Variants in CERS5 observed in about 807,000 individuals in gnomAD.
CERS5 encodes the protein ceramide synthase 5.
A neutral mutation model predicts 58.9 loss-of-function variants in CERS5; 37 were observed. That is an observed-to-expected ratio of 0.63 (90% CI 0.48 to 0.83). CERS5 has a LOEUF of 0.83. Among genes scored for constraint, CERS5 ranks in the 40% least tolerant of loss-of-function variants. The probability of loss-of-function intolerance (pLI) is 0.00; values close to 1 mark genes in which losing one functional copy is unlikely to be tolerated. For synonymous variants in CERS5, 147 were observed against 177.8 expected, an observed-to-expected ratio of 0.83 and a Z score of 1.38; for missense variants, 398 against 489.3, an observed-to-expected ratio of 0.81 and a Z score of 1.76.
intron 1 of CERS5, chr12:50,165,919 C>T (rs895227422): frequency 2.2e-6 from 1 of 454,702 alleles, no homozygotes; most frequent in Admixed American, 2.4e-5. Context: ...ATATCACACA[C>T]CAAAGCCTCA....
chr12:50,138,408 A>AG (rs1303254523), intron 5 of CERS5, among the ~76,000 whole-genome samples, 159 bp downstream of exon 5: 1 of 151,310 alleles, frequency 6.6e-6, no homozygotes, highest in African/African-American at 2.4e-5. Flanking sequence ...TGGGGGGGAA[A>AG]AAAAAATAGA....
chr12:50,133,167 A>G (rs1951431193), intron 9 of CERS5: 5 of 1,220,640 alleles, frequency 4.1e-6, no homozygotes, highest in Non-Finnish European at 5.2e-6. Flanking sequence ...GCTATAAGGA[A>G]TAATGATGCA....
At chr12:50,164,109 A>G (rs1490987359) in intron 1 of CERS5, among the ~76,000 whole-genome samples, 1 of 151,088 alleles carries the variant, frequency 6.6e-6, no homozygotes, top group African/African-American at 2.4e-5. Context: ...ACAGGCATGT[A>G]CCACTATGCC....
Position 50,143,987 on chromosome 12 carries a change from C to T in CERS5, c.268G>A (p.Ala90Thr), listed in dbSNP as rs202187358. Reference sequence around the variant, plus strand: ...GATATGAACACCTTTTCAAGGATGGCATTGGGTTGGGCCTGATAAGGACCA... The same window carrying T: ...GATATGAACACCTTTTCAAGGATGGTATTGGGTTGGGCCTGATAAGGACCA... ...DSGPYQAQPNAILEKVFISIT... is the reference protein window; with the variant it reads ...DSGPYQAQPNTILEKVFISIT... Residue 90 changes from alanine (A) to threonine (T), a missense_variant, in exon 2 of 10, where the codon GCC becomes ACC. Transcript: ENST00000317551. 1.9e-6 allele frequency: 3 copies of T among 1,612,184 alleles called. No homozygotes were observed. The highest frequency in any genetic ancestry group is 1.7e-5 in the Admixed American group (1 of 60,010).
intron 8 of CERS5, chr12:50,135,425 G>A (rs760101661): frequency 1.7e-5 from 10 of 572,854 alleles, no homozygotes; most frequent in South Asian, 9.5e-5. Flanking sequence ...AGAAGTCAAA[G>A]GAATTACTTA....
rs969114846 is a variant in CERS5, at chr12:50,164,253, C to G, written c.197+2848G>C. 6.6e-4 allele frequency among the ~76,000 whole-genome samples: 100 copies of G among 152,128 alleles called. 1 individual carries two copies. Among genetic ancestry groups the G allele is most frequent in the Admixed American group, 6.6e-3 (100 of 15,252 alleles). On this transcript the variant is annotated intron_variant, in intron 1 of 9. Transcript: ENST00000317551. ...GGGATTACAGGTGTGAGCCACCATG[C>G]CCCGCTCTCCCAATTTTTTTTTTTT...
rs181675212 is a variant in CERS5 at position 50,148,948 on chromosome 12, G to A, written c.198-4891C>T. On this transcript the variant is annotated intron_variant, in intron 1 of 9. Coordinates refer to ENST00000317551, the MANE Select transcript of CERS5 (RefSeq NM_147190.5). ...AAAAAATATATATATATATATATAT[G>A]TGTGTGTGTGTGTGTGTGTGTGCGT... Among the ~76,000 whole-genome samples, 878 of 96,350 alleles carry A rather than the reference G, an allele frequency of 9.1e-3. 4 individuals carry two copies. Among genetic ancestry groups the A allele is most frequent in the Middle Eastern group, 0.029 (5 of 174 alleles). 63.2% of individuals were successfully genotyped at this position (96,350 alleles called of 152,430 possible).
intron 1 of CERS5, among the ~76,000 whole-genome samples, chr12:50,146,971 A>C (rs1952316809): frequency 6.6e-6 from 1 of 152,206 alleles, no homozygotes; most frequent in Non-Finnish European, 1.5e-5. Flanking sequence ...ATTTGTGATA[A>C]AAATTAAATA....
At chr12:50,145,546 C>CTT (rs1244606392) in intron 1 of CERS5, among the ~76,000 whole-genome samples, 1 of 152,090 alleles carries the variant, frequency 6.6e-6, no homozygotes, top group Non-Finnish European at 1.5e-5. Context: ...GAATAAGAAA[C>CTT]TTTATCTCCC....
chr12:50,157,590 G>A (rs1053952948), intron 1 of CERS5, among the ~76,000 whole-genome samples: 1 of 152,132 alleles, frequency 6.6e-6, no homozygotes. Flanking sequence ...CAAGATCTCT[G>A]AAATGGTTCT....
rs57651378 is a variant in CERS5 at position 50,140,284 on chromosome 12, A to ATTTTTT, written c.493-1673_493-1668dup. 7.8e-3 allele frequency among the ~76,000 whole-genome samples: 755 copies of ATTTTTT among 96,194 alleles called. 30 individuals are homozygous for ATTTTTT. The highest frequency in any genetic ancestry group is 0.023 in the East Asian group (56 of 2,442). The allele number at this position is 96,194 out of a possible 152,430, so 63.1% of individuals were successfully genotyped here. A position where few individuals can be genotyped will look rare whatever the true frequency, so the allele number is the denominator to read the frequency against. On this transcript the variant is annotated intron_variant, in intron 4 of 9. Transcript: ENST00000317551. ...TTGAGAAGAGTTGTTTAACTTCCAA[A>ATTTTTT]TTTTTTTTTTTTTTTTTTTTTTTTT...
At chr12:50,138,119 AC>A (rs764929714) in intron 5 of CERS5, among the ~76,000 whole-genome samples, 5 of 152,134 alleles carry the variant, frequency 3.3e-5, no homozygotes, top group African/African-American at 4.8e-5. Context: ...AGTGCTTTTC[AC>A]AGGATTAAAT....
intron 1 of CERS5, chr12:50,165,097 G>A (rs950727046): frequency 1.3e-5 from 2 of 151,904 alleles, no homozygotes; most frequent in East Asian, 1.9e-4. Context: ...TCCACTCCAG[G>A]ATGACTAACT....
At chr12:50,140,284 A>ATTTTTTTTTTTTTT (rs57651378) in intron 4 of CERS5, among the ~76,000 whole-genome samples, 19 of 96,248 alleles carry the variant, frequency 2.0e-4, no homozygotes, top group African/African-American at 7.2e-4. Flanking sequence ...TAACTTCCAA[A>ATTTTTTTTTTTTTT]TTTTTTTTTT....
At position 50,134,588 on chromosome 12, in the gene CERS5, G is replaced by T. The variant is rs1951527962; in HGVS notation, c.987C>A (p.Tyr329Ter). ...CTTTCAAAGCAATCCGTGCAATTAG[G>T]TAGGACCAGATGACATGCAGAAGCT... ...TLQLLHVIWS[Y>*]LIARIALKAL... Residue 329 changes from tyrosine to a stop codon, truncating the protein, a stop_gained, in exon 9 of 10, where the codon TAC becomes TAA. Coordinates refer to ENST00000317551, the MANE Select transcript of CERS5 (RefSeq NM_147190.5). LOFTEE classifies it high-confidence loss of function. The T allele has an allele frequency of 6.2e-7, 1 of 1,614,140 alleles. No individual in the cohort carries two copies.
Position 50,137,745 on chromosome 12 carries a change from T to C in CERS5, c.619A>G (p.Thr207Ala). 6.2e-7 allele frequency: 1 copy of C among 1,602,978 alleles called. No individual in the cohort carries two copies. The highest frequency in any genetic ancestry group is 8.5e-7 in the Non-Finnish European group (1 of 1,170,910). The change falls in exon 6 of 10, where the codon ACA becomes GCA. Residue 207 changes from threonine (T) to alanine (A), a missense_variant. Physicochemically the swap from Thr to Ala is moderately conservative, Grantham distance 58. Around this residue, in one of 3 missense-constraint regions of CERS5, gnomAD observed 328 missense variants for 384.5 expected, o/e 0.85. Transcript: ENST00000317551. ...FYWSLMFSQF[T>A]DIKRKDFLIM... ...GTCCTTACCTTTCTTTTAATGTCTG[T>C]AAACTGAGAAAACATAAGGGACCAA... is the stretch of plus-strand genomic sequence containing the variant.
intron 1 of CERS5, chr12:50,165,920 C>G (rs1316497579): frequency 2.2e-6 from 1 of 454,750 alleles, no homozygotes. Flanking sequence ...TATCACACAC[C>G]AAAGCCTCAG....
intron 1 of CERS5, among the ~76,000 whole-genome samples, chr12:50,166,582 G>T (rs1283000337): frequency 6.6e-6 from 1 of 152,114 alleles, no homozygotes; most frequent in East Asian, 1.9e-4. Context: ...AACTCTTAGG[G>T]CCAAACTAAT....
intron 1 of CERS5, among the ~76,000 whole-genome samples, chr12:50,149,516 T>C (rs569158998): frequency 1.3e-5 from 2 of 152,302 alleles, no homozygotes; most frequent in East Asian, 3.9e-4. Flanking sequence ...AATGCTACTT[T>C]TGTGATTCAT....
Sources: allele counts gnomAD v4.1 joint callset (sites outside exome capture counted in the v4.1 genomes callset), GRCh38; gene constraint gnomAD v4.1.1; regional missense constraint gnomAD v4.1.1; transcripts MANE v1.5; gene names NCBI Gene and HGNC (gene_info 2026-07-23, HGNC 2026-07-21).